The following GSE1 variants were observed in gnomAD, a reference collection of about 807,000 sequenced individuals.
The protein encoded by GSE1 is Gse1 coiled-coil protein.
A neutral mutation model predicts 112.6 loss-of-function variants in GSE1; 32 were observed. The ratio of observed to expected loss-of-function variants is 0.28; its 90% CI spans 0.21 to 0.38. GSE1 has a LOEUF of 0.38. GSE1 is among the 10% of genes least tolerant of loss of function. The pLI is 1.00. For synonymous variants in GSE1, 1,115 were observed against 735.6 expected (o/e 1.52, Z -8.35); for missense variants, 2,348 against 1,699.2 (o/e 1.38, Z -6.71).
intron 1 of GSE1, among the ~76,000 whole-genome samples, chr16:85,225,339 C>T (rs1372042584): frequency 6.6e-6 from 1 of 151,978 alleles, no homozygotes. Context: ...GAGGGGTGTT[C>T]CTGGCAGAGA....
rs553509164 is a variant in GSE1 at position 85,216,223 on chromosome 16, G to A, written c.2283+44416G>A. Among the ~76,000 whole-genome samples the A allele has an allele frequency of 6.3e-4, 96 of 152,316 alleles. No homozygotes were observed. The South Asian group carries it at 7.9e-3, about 12-fold the overall frequency. On this transcript the variant is annotated intron_variant, in intron 1 of 2. Coordinates refer to the GSE1 transcript ENST00000637419. The stretch of plus-strand genomic sequence containing the variant: ...GTTCAATACCATATTGGGCAACATA[G>A]TGAGACCCCATCTCTACAAAATATC...
At chr16:85,246,373 C>T (rs531820093) in intron 1 of GSE1, among the ~76,000 whole-genome samples, 4,256 of 114,324 alleles carry the variant, frequency 0.037, 356 homozygotes, top group African/African-American at 0.11. Context: ...ACACACCACA[C>T]GCTGTCTACA....
chr16:85,635,937 G>A (rs191352238), intron 2 of GSE1, among the ~76,000 whole-genome samples: 1 of 143,556 alleles, frequency 7.0e-6, no homozygotes, highest in Non-Finnish European at 1.6e-5. Flanking sequence ...CACAGCAGGA[G>A]CCTGCTCACA....
At chr16:85,329,829 G>A (rs1454455367) in intron 1 of GSE1, among the ~76,000 whole-genome samples, 1 of 150,946 alleles carries the variant, frequency 6.6e-6, no homozygotes. Flanking sequence ...GGCTGGGGAC[G>A]GGAGGGGAGG....
At chr16:85,307,713 C>T (rs373323452) in intron 1 of GSE1, among the ~76,000 whole-genome samples, 18 of 152,322 alleles carry the variant, frequency 1.2e-4, no homozygotes, top group African/African-American at 3.8e-4. Context: ...CTGACCTTAA[C>T]CTCCAGCACC....
intron 2 of GSE1, among the ~76,000 whole-genome samples, chr16:85,548,808 G>A (rs1161859943): frequency 1.3e-5 from 2 of 151,768 alleles, no homozygotes; most frequent in African/African-American, 4.8e-5. Context: ...TTTTTTTGTT[G>A]GAGACGGAGT....
rs376390313 is a variant in GSE1, at chr16:85,668,229, G to A, written c.3220G>A (p.Ala1074Thr). 9.3e-6 allele frequency: 15 copies of A among 1,610,196 alleles called. No homozygotes were observed. The highest frequency in any genetic ancestry group is 3.3e-5 in the Admixed American group (2 of 59,984). Residue 1074 changes from alanine (A) to threonine (T), a missense_variant, in exon 14 of 16, where the codon GCC (alanine) becomes ACC (threonine). By Grantham distance (58) the Ala-to-Thr change is moderately conservative. Transcript: ENST00000253458. ...NIPELQSSSR[A>T]PPPQHNGQQE... ...TCCTGAGCTGCAGTCCTCCAGCCGC[G>A]CCCCTCCACCCCAGCACAATGGGCA...
intron 2 of GSE1, among the ~76,000 whole-genome samples, chr16:85,522,795 T>G (rs1324993849): frequency 6.6e-6 from 1 of 151,864 alleles, no homozygotes; most frequent in East Asian, 1.9e-4. Flanking sequence ...ATGTGTTGGG[T>G]GTGAATGTGT....
intron 1 of GSE1, among the ~76,000 whole-genome samples, chr16:85,263,578 CT>C (rs34811885): frequency 1.6e-3 from 231 of 145,606 alleles, no homozygotes; most frequent in Middle Eastern, 3.6e-3. Context: ...TTTTTCTTTC[CT>C]TTTTTTTTTT....
At chr16:85,198,038 C>A (rs558320312) in intron 1 of GSE1, among the ~76,000 whole-genome samples, 1 of 152,034 alleles carries the variant, frequency 6.6e-6, no homozygotes, top group African/African-American at 2.4e-5. Context: ...CTTGGTTGGG[C>A]GAGTCCTGTT....
In GSE1 at chr16:85,655,800, C is replaced by G; in HGVS notation, c.872C>G (p.Pro291Arg). The change falls in exon 6 of 16, where the codon CCA becomes CGA. Residue 291 changes from proline (P) to arginine (R), a missense_variant. By Grantham distance (103) the Pro-to-Arg change is moderately radical. Coordinates refer to ENST00000253458, the MANE Select transcript of GSE1 (RefSeq NM_014615.5). ...YPIPTPGSLP[P>R]LHPSAMHLHL... ...ATCCCCACCCCCGGCTCCCTGCCCC[C>G]ACTGCACCCATCAGCGATGCACCTG... 1.9e-6 allele frequency: 3 copies of G among 1,609,448 alleles called. No individual in the cohort carries two copies. Among genetic ancestry groups the G allele is most frequent in the Non-Finnish European group, 2.5e-6 (3 of 1,177,314 alleles).
intron 1 of GSE1, among the ~76,000 whole-genome samples, chr16:85,313,134 G>C (rs374634827): frequency 1.3e-5 from 2 of 152,304 alleles, no homozygotes; most frequent in East Asian, 1.9e-4. Context: ...CCAGGGAACC[G>C]TCTCAGAAAG....
rs1484471263 is a variant in GSE1, at chr16:85,671,235, T to G, written c.3519+137T>G. 4 of 533,422 alleles carry G rather than the reference T, an allele frequency of 7.5e-6. No individual in the cohort carries two copies. The African/African-American group carries it at 8.0e-5, about 11-fold the overall frequency. The allele number at this position is 533,422 out of a possible 1,614,324, so 33.0% of individuals were successfully genotyped here. On this transcript the variant is annotated intron_variant, in intron 15 of 15. Transcript: ENST00000253458. ...TTTGGCGGATCACGAGGTCAGGAGA[T>G]CGAGACCATCCCGGCTAAAACGGTG...
chr16:85,461,571 G>C (rs75520216), intron 2 of GSE1, among the ~76,000 whole-genome samples: 3,920 of 152,238 alleles, frequency 0.026, 173 homozygotes, highest in African/African-American at 0.09. Context: ...CGAGGGGTTC[G>C]AGACCCCCTG....
chr16:85,670,931 A>T, intron 14 of GSE1, 64 bp from the exon 15 acceptor site: 1 of 986,390 alleles, frequency 1.0e-6, no homozygotes, highest in Non-Finnish European at 1.6e-6. Flanking sequence ...TGAAGAGGAG[A>T]GCACAAAGCG....
chr16:85,314,109 G>A (rs180859734), intron 1 of GSE1, among the ~76,000 whole-genome samples: 1 of 152,226 alleles, frequency 6.6e-6, no homozygotes, highest in African/African-American at 2.4e-5. Flanking sequence ...AGCTCTGTGT[G>A]TGTGTGTGTG....
chr16:85,547,349 C>T (rs1174765996), intron 2 of GSE1, among the ~76,000 whole-genome samples: 1 of 152,228 alleles, frequency 6.6e-6, no homozygotes, highest in Non-Finnish European at 1.5e-5. Flanking sequence ...CGGGGCCATG[C>T]TCCCTCTGGA....
Position 85,668,412 on chromosome 16 carries a change from G to A in GSE1, c.3403G>A (p.Glu1135Lys). ...CGAGGCCGTTTTTGAAGCTTACCAG[G>A]AACACATAGAAGGTAAGGGGGTGCT... The part of the protein sequence containing the change: ...GIEAVFEAYQ[E>K]HIEEQNLERQ... Residue 1135 changes from glutamate to lysine, a missense_variant, in exon 14 of 16, where the codon GAA becomes AAA. Coordinates refer to ENST00000253458, the MANE Select transcript of GSE1 (RefSeq NM_014615.5). 1 of 1,527,030 alleles carries A rather than the reference G, an allele frequency of 6.5e-7. No homozygotes were observed. Among genetic ancestry groups the A allele is most frequent in the Non-Finnish European group, 9.0e-7 (1 of 1,108,348 alleles). 94.6% of individuals were successfully genotyped at this position (1,527,030 alleles called of 1,614,324 possible). A position where few individuals can be genotyped will look rare whatever the true frequency, so the allele number is the denominator to read the frequency against.
intron 1 of GSE1, among the ~76,000 whole-genome samples, chr16:85,218,960 A>G (rs2075347288): frequency 6.6e-6 from 1 of 152,088 alleles, no homozygotes; most frequent in South Asian, 2.1e-4. Context: ...GCTCACTGCA[A>G]GCTCCACCTC....
Sources: allele counts gnomAD v4.1 joint callset (sites outside exome capture counted in the v4.1 genomes callset), GRCh38; gene constraint gnomAD v4.1.1; transcripts MANE v1.5; gene names NCBI Gene and HGNC (gene_info 2026-07-23, HGNC 2026-07-21).